Variants in SDK1 observed in about 807,000 individuals in gnomAD.
The protein encoded by SDK1 is protein sidekick-1.
In SDK1, 157 loss-of-function variants were observed where a neutral mutation model predicts 245.5. The observed-to-expected ratio is 0.64, with a 90% confidence interval of 0.56 to 0.73. SDK1 has a LOEUF of 0.73. Among genes scored for constraint, SDK1 ranks in the 30% least tolerant of loss-of-function variants. SDK1 has a pLI of 0.00. For missense variants in SDK1, 3,583 were observed against 3,002.3 expected, an observed-to-expected ratio of 1.19 and a Z score of -4.52; for synonymous variants, 1,647 against 1,278.5, an observed-to-expected ratio of 1.29 and a Z score of -6.15.
chr7:3,835,116 T>A (rs1334092785), intron 5 of SDK1, among the ~76,000 whole-genome samples: 1 of 152,200 alleles, frequency 6.6e-6, no homozygotes, highest in East Asian at 1.9e-4. Flanking sequence ...TCTCTAGGCC[T>A]GAATAGCAGC....
At position 3,344,429 on chromosome 7, in the gene SDK1, T is replaced by C. The variant is rs543426825; in HGVS notation, c.298+42545T>C. ...GTTAGTTGTATAAGAAAATTCCGAC[T>C]TACTTAAGTAGTGGCAGTTATTAGC... On this transcript the variant is annotated intron_variant, in intron 1 of 44. Transcript: ENST00000404826. Among the ~76,000 whole-genome samples the C allele has an allele frequency of 3.3e-5, 5 of 152,308 alleles. No homozygotes were observed. The East Asian group carries it at 9.6e-4, about 29-fold the overall frequency.
intron 17 of SDK1, among the ~76,000 whole-genome samples, chr7:4,033,095 T>C (rs1787951755): frequency 6.6e-6 from 1 of 152,228 alleles, no homozygotes; most frequent in Admixed American, 6.5e-5. Context: ...TAAAATGGTG[T>C]GTCTATTGGT....
intron 14 of SDK1, among the ~76,000 whole-genome samples, chr7:4,004,240 G>C (rs576283547): frequency 6.6e-6 from 1 of 152,198 alleles, no homozygotes; most frequent in Non-Finnish European, 1.5e-5. Context: ...TCCCAAGGGA[G>C]CTCAGCCAGT....
At chr7:3,425,888 A>C (rs1290645201) in intron 1 of SDK1, among the ~76,000 whole-genome samples, 1 of 152,104 alleles carries the variant, frequency 6.6e-6, no homozygotes, top group African/African-American at 2.4e-5. Context: ...AAGATAAGAG[A>C]CAATAGGAGC....
At chr7:3,436,084 G>T (rs7802106) in intron 1 of SDK1, among the ~76,000 whole-genome samples, 117,735 of 152,162 alleles carry the variant, frequency 0.77, 46,149 homozygotes, top group African/African-American at 0.91. Flanking sequence ...GTTCAAAATA[G>T]GTTGTTTTAT....
In SDK1 at chr7:3,726,539, T is replaced by G. The variant is rs546622380; in HGVS notation, c.713+84434T>G. 4.6e-5 allele frequency among the ~76,000 whole-genome samples: 7 copies of G among 152,376 alleles called. No individual in the cohort carries two copies. The South Asian group carries it at 1.4e-3, about 32-fold the overall frequency. On this transcript the variant is annotated intron_variant, in intron 4 of 44. Transcript: ENST00000404826. The stretch of plus-strand genomic sequence containing the variant: ...GTTAGCACTTTCTAAAGTATTTGTT[T>G]TCATTTGGTTTTATCCATTGCAAGG...
intron 1 of SDK1, among the ~76,000 whole-genome samples, chr7:3,576,335 T>C (rs938734037): frequency 1.3e-5 from 2 of 152,108 alleles, no homozygotes; most frequent in African/African-American, 4.8e-5. Context: ...CACTGTGTAC[T>C]TCTGTGTGAC....
At chr7:3,343,363 C>G (rs67447866) in intron 1 of SDK1, among the ~76,000 whole-genome samples, 23,256 of 152,198 alleles carry the variant, frequency 0.15, 2,879 homozygotes, top group African/African-American at 0.34. Flanking sequence ...GATGCACCTA[C>G]TGTGAATCTC....
intron 35 of SDK1, among the ~76,000 whole-genome samples, chr7:4,195,806 C>A (rs1562418233): frequency 6.6e-6 from 1 of 152,144 alleles, no homozygotes. Flanking sequence ...GGGGATGAAG[C>A]CGTCGCTGCT....
Position 3,746,346 on chromosome 7 carries a change from G to C in SDK1, c.714-75104G>C, listed in dbSNP as rs575294691. Among the ~76,000 whole-genome samples the C allele has an allele frequency of 3.9e-4, 59 of 152,318 alleles. 1 individual carries two copies. The highest frequency in any genetic ancestry group is 2.6e-3 in the Admixed American group (40 of 15,304). The stretch of plus-strand genomic sequence containing the variant: ...ACCTCATTGGTGATGGCTGCTGACT[G>C]ATCAGTCTGATGGTTGCTGAAGGGT... On this transcript the variant is annotated intron_variant, in intron 4 of 44. Transcript: ENST00000404826.
chr7:3,695,716 T>C (rs1784550081), intron 4 of SDK1, among the ~76,000 whole-genome samples: 2 of 152,160 alleles, frequency 1.3e-5, no homozygotes, highest in South Asian at 4.1e-4. Context: ...CATGTGTACA[T>C]TTTCCTTATA....
At chr7:3,328,331 C>G (rs1052833152) in intron 1 of SDK1, among the ~76,000 whole-genome samples, 1 of 152,034 alleles carries the variant, frequency 6.6e-6, no homozygotes, top group African/African-American at 2.4e-5. Flanking sequence ...AAGGTCTACA[C>G]TTATGAGCTC....
chr7:3,669,437 T>C (rs1783629061), intron 4 of SDK1, among the ~76,000 whole-genome samples: 1 of 152,220 alleles, frequency 6.6e-6, no homozygotes, highest in Admixed American at 6.5e-5. Context: ...GAATCATCTT[T>C]GAGTTCTTAC....
intron 1 of SDK1, among the ~76,000 whole-genome samples, chr7:3,358,244 A>G (rs1583738103): frequency 6.6e-6 from 1 of 151,740 alleles, no homozygotes; most frequent in Non-Finnish European, 1.5e-5. Flanking sequence ...TTGGTTTTGA[A>G]CTCCCGACCT....
intron 4 of SDK1, among the ~76,000 whole-genome samples, chr7:3,644,773 CAAA>C (rs34276127): frequency 5.0e-5 from 2 of 40,046 alleles, no homozygotes; most frequent in Admixed American, 3.9e-4. Flanking sequence ...ACCCTGTCTC[CAAA>C]AAAAAAAAAA....
chr7:4,172,561 G>C (rs111324996), intron 32 of SDK1, among the ~76,000 whole-genome samples: 126 of 152,304 alleles, frequency 8.3e-4, no homozygotes, highest in African/African-American at 2.9e-3. Flanking sequence ...GAGGACCAGA[G>C]AGAGTTTGGA....
At chr7:4,013,821 G>T (rs923124687) in intron 16 of SDK1, among the ~76,000 whole-genome samples, 1 of 152,158 alleles carries the variant, frequency 6.6e-6, no homozygotes, top group Non-Finnish European at 1.5e-5. Flanking sequence ...CTTTTGTCTC[G>T]AGGCTCCAAC....
chr7:4,084,120 C>T (rs1020378652), intron 22 of SDK1, among the ~76,000 whole-genome samples: 1 of 152,208 alleles, frequency 6.6e-6, no homozygotes, highest in Non-Finnish European at 1.5e-5. Flanking sequence ...AAAGAAGCAT[C>T]TCTGCTCATC....
chr7:3,864,072 T>C (rs1780761819), intron 5 of SDK1, among the ~76,000 whole-genome samples: 1 of 152,188 alleles, frequency 6.6e-6, no homozygotes, highest in African/African-American at 2.4e-5. Flanking sequence ...TTCCAATTTT[T>C]TCATATCCTT....
Sources: allele counts gnomAD v4.1 joint callset (sites outside exome capture counted in the v4.1 genomes callset), GRCh38; gene constraint gnomAD v4.1.1; transcripts MANE v1.5; gene names NCBI Gene and HGNC (gene_info 2026-07-23, HGNC 2026-07-21).